Variants in DIAPH3 observed in about 807,000 individuals in gnomAD.
DIAPH3 encodes the protein protein diaphanous homolog 3.
Under a neutral mutation model 144.3 loss-of-function variants are expected in DIAPH3, and 117 were observed. The observed-to-expected ratio is 0.81, with a 90% confidence interval of 0.70 to 0.95. The LOEUF is 0.95. Among genes scored for constraint, DIAPH3 ranks in the 40% least tolerant of loss-of-function variants. DIAPH3 has a pLI of 0.00. For synonymous variants in DIAPH3, 519 were observed against 488.9 expected (o/e 1.06, Z -0.81); for missense variants, 1,421 against 1,412.7 (o/e 1.01, Z -0.09).
chr13:59,695,827 T>A, intron 27 of DIAPH3, among the ~76,000 whole-genome samples: 1 of 152,148 alleles, frequency 6.6e-6, no homozygotes, highest in Non-Finnish European at 1.5e-5. Context: ...GAATGACAAT[T>A]TAAGCTGAGT....
chr13:59,851,630 T>C (rs1423542325), intron 22 of DIAPH3, among the ~76,000 whole-genome samples: 1 of 147,778 alleles, frequency 6.8e-6, no homozygotes, highest in Non-Finnish European at 1.5e-5. Context: ...AATGAATAGA[T>C]GAATCTTTTT....
chr13:60,087,743 G>A (rs1027664119), intron 4 of DIAPH3, among the ~76,000 whole-genome samples: 2 of 150,698 alleles, frequency 1.3e-5, no homozygotes, highest in Admixed American at 1.3e-4. Context: ...AAACTTTCAG[G>A]AGCATTTATA....
In DIAPH3 at chr13:59,924,765, T is replaced by C. The variant is rs778762152; in HGVS notation, c.2170+10A>G. 2 of 1,599,024 alleles carry C rather than the reference T, an allele frequency of 1.3e-6. No individual in the cohort carries two copies. The highest frequency in any genetic ancestry group is 1.7e-6 in the Non-Finnish European group (2 of 1,169,784). On this transcript the variant is annotated intron_variant, in intron 18 of 27. Coordinates refer to ENST00000400324, the MANE Select transcript of DIAPH3 (RefSeq NM_001042517.2). ...ACTGTCTTTGAATGGTATTGGAATATGATACTTACAAAGGTTCTGGGCAAT... is the reference window on the plus strand; with the variant it reads ...ACTGTCTTTGAATGGTATTGGAATACGATACTTACAAAGGTTCTGGGCAAT...
At chr13:59,793,400 T>C (rs2039424810) in intron 25 of DIAPH3, among the ~76,000 whole-genome samples, 2 of 152,226 alleles carry the variant, frequency 1.3e-5, no homozygotes, top group Non-Finnish European at 2.9e-5. Flanking sequence ...TACTACCCTT[T>C]CTTACTCATA....
chr13:60,111,750 T>A (rs2058574556), intron 3 of DIAPH3, among the ~76,000 whole-genome samples: 1 of 152,154 alleles, frequency 6.6e-6, no homozygotes, highest in African/African-American at 2.4e-5. Context: ...AAATATCTAC[T>A]CAAGACAAAA....
intron 20 of DIAPH3, among the ~76,000 whole-genome samples, chr13:59,886,585 A>C (rs1340960996): frequency 6.6e-6 from 1 of 152,094 alleles, no homozygotes; most frequent in Non-Finnish European, 1.5e-5. Context: ...CAACTCTTCC[A>C]GTCTATAAGC....
chr13:59,741,703 C>CAAAAAAAA (rs756556231), intron 27 of DIAPH3, among the ~76,000 whole-genome samples: 1 of 93,770 alleles, frequency 1.1e-5, no homozygotes. Flanking sequence ...GGCAACAAAG[C>CAAAAAAAA]AAAAAAAAAA....
intron 27 of DIAPH3, among the ~76,000 whole-genome samples, chr13:59,678,952 A>G (rs2032785694): frequency 6.6e-6 from 1 of 152,212 alleles, no homozygotes; most frequent in Non-Finnish European, 1.5e-5. Context: ...ACTCAGGATA[A>G]ATAGAAACTA....
chr13:59,972,499 T>C (rs189155790), intron 15 of DIAPH3, among the ~76,000 whole-genome samples: 238 of 152,176 alleles, frequency 1.6e-3, no homozygotes, highest in Non-Finnish European at 2.9e-3. Context: ...TTATGAAAAA[T>C]AGACCATGTA....
chr13:59,771,760 T>C (rs1057314754), intron 27 of DIAPH3, among the ~76,000 whole-genome samples: 3 of 152,236 alleles, frequency 2.0e-5, no homozygotes, highest in Admixed American at 6.6e-5. Context: ...AATACTTGAC[T>C]AGTTTCGACT....
At chr13:59,837,680 C>A (rs975936513) in intron 23 of DIAPH3, 1 of 148,734 alleles carries the variant, frequency 6.7e-6, no homozygotes, top group African/African-American at 2.5e-5. Context: ...CATATAACTG[C>A]AATAATATAT....
chr13:59,987,378 T>A (rs1005175175), intron 12 of DIAPH3, among the ~76,000 whole-genome samples: 1 of 149,574 alleles, frequency 6.7e-6, no homozygotes, highest in Non-Finnish European at 1.5e-5. Context: ...TAAGGCTAGA[T>A]GACGAGTTAG....
intron 27 of DIAPH3, among the ~76,000 whole-genome samples, chr13:59,681,016 TATCTA>T (rs1368673939): frequency 6.6e-6 from 1 of 151,904 alleles, no homozygotes; most frequent in East Asian, 1.9e-4. Context: ...TCATTTTATT[TATCTA>T]ATCTAATCTC....
intron 1 of DIAPH3, among the ~76,000 whole-genome samples, chr13:60,154,037 C>G (rs1951915429): frequency 6.6e-6 from 1 of 152,088 alleles, no homozygotes; most frequent in Non-Finnish European, 1.5e-5. Flanking sequence ...CCAAATGTTA[C>G]CTGGTATGCC....
At chr13:60,089,842 C>T (rs2057873596) in intron 4 of DIAPH3, among the ~76,000 whole-genome samples, 1 of 152,092 alleles carries the variant, frequency 6.6e-6, no homozygotes, top group Admixed American at 6.6e-5. Flanking sequence ...TAAGGATGCT[C>T]CTTTGAATGG....
chr13:60,036,113 T>G (rs2055189321), intron 5 of DIAPH3, among the ~76,000 whole-genome samples: 2 of 152,186 alleles, frequency 1.3e-5, no homozygotes, highest in Non-Finnish European at 2.9e-5. Flanking sequence ...CCTCCTTAGA[T>G]CACTCTTCTA....
chr13:59,836,803 T>A (rs967602862), intron 23 of DIAPH3, among the ~76,000 whole-genome samples: 1 of 152,006 alleles, frequency 6.6e-6, no homozygotes, highest in Admixed American at 6.6e-5. Context: ...TGTACCTCGA[T>A]GAATAAGCAT....
chr13:59,878,653 A>G (rs2140049325), intron 21 of DIAPH3, among the ~76,000 whole-genome samples: 1 of 152,244 alleles, frequency 6.6e-6, no homozygotes, highest in South Asian at 2.1e-4. Context: ...TGAAAGACAC[A>G]GGAGAAAAAA....
intron 21 of DIAPH3, among the ~76,000 whole-genome samples, chr13:59,867,070 T>G (rs1347463425): frequency 6.7e-6 from 1 of 148,210 alleles, no homozygotes; most frequent in Non-Finnish European, 1.5e-5. Context: ...TATTTATATA[T>G]ATAAATATTT....
Sources: allele counts gnomAD v4.1 joint callset (sites outside exome capture counted in the v4.1 genomes callset), GRCh38; gene constraint gnomAD v4.1.1; transcripts MANE v1.5; gene names NCBI Gene and HGNC (gene_info 2026-07-23, HGNC 2026-07-21).